FOXP1: variants seen among roughly 807,000 people sequenced by gnomAD.
FOXP1 encodes the protein forkhead box P1.
FOXP1 carries 15 observed loss-of-function variants against 98.2 expected under a neutral mutation model. That is an observed-to-expected ratio of 0.15 (90% CI 0.10 to 0.24). The LOEUF is 0.24. Among genes scored for constraint, FOXP1 ranks in the 10% least tolerant of loss-of-function variants. FOXP1 has a pLI of 1.00. For missense variants in FOXP1, 633 were observed against 848.5 expected, an observed-to-expected ratio of 0.75 and a Z score of 3.15; for synonymous variants, 371 against 314.5, an observed-to-expected ratio of 1.18 and a Z score of -1.90.
chr3:71,463,568 G>A (rs1005302019), intron 3 of FOXP1, among the ~76,000 whole-genome samples: 2 of 152,116 alleles, frequency 1.3e-5, no homozygotes, highest in Non-Finnish European at 2.9e-5. Context: ...CTCTGGGCTG[G>A]GGTCTCTCCC....
In FOXP1 at chr3:71,157,230, C is replaced by T. The variant is rs564085490; in HGVS notation, c.180+40972G>A. On this transcript the variant is annotated intron_variant, in intron 6 of 20. Transcript: ENST00000649528. ...GTTTTTGGAGTGTTGGAACACAGAACGAAAAGAGACTGCTGAGAAGGTTCA... is the reference window on the plus strand; with the variant it reads ...GTTTTTGGAGTGTTGGAACACAGAATGAAAAGAGACTGCTGAGAAGGTTCA... Among the ~76,000 whole-genome samples, 16 of 151,934 alleles carry T rather than the reference C, an allele frequency of 1.1e-4. 1 individual carries two copies. In the South Asian group the frequency reaches 2.1e-3, roughly 20 times the overall value.
chr3:71,101,911 G>C (rs1228908198), intron 7 of FOXP1, among the ~76,000 whole-genome samples: 1 of 152,136 alleles, frequency 6.6e-6, no homozygotes, highest in Non-Finnish European at 1.5e-5. Flanking sequence ...AAAAGGACAA[G>C]GGCCGGCGCT....
chr3:70,979,720 C>CTT (rs1397908965), intron 14 of FOXP1, among the ~76,000 whole-genome samples: 3 of 147,484 alleles, frequency 2.0e-5, no homozygotes, highest in African/African-American at 7.5e-5. Flanking sequence ...AATCAAAGAA[C>CTT]TTATTAAAAG....
chr3:71,158,852 T>TGTAAGG (rs2060987739), intron 6 of FOXP1, among the ~76,000 whole-genome samples: 1 of 151,430 alleles, frequency 6.6e-6, no homozygotes, highest in African/African-American at 2.4e-5. Context: ...ATGCCTGTAA[T>TGTAAGG]CCCAGCACTT....
At chr3:71,407,496 T>C (rs2082432277) in intron 3 of FOXP1, among the ~76,000 whole-genome samples, 1 of 152,172 alleles carries the variant, frequency 6.6e-6, no homozygotes, top group Non-Finnish European at 1.5e-5. Flanking sequence ...CTCCTCAAAA[T>C]AGAAAAAGAT....
At chr3:71,255,883 TA>T (rs1047846484) in intron 5 of FOXP1, among the ~76,000 whole-genome samples, 2 of 152,176 alleles carry the variant, frequency 1.3e-5, no homozygotes, top group African/African-American at 2.4e-5. Context: ...AACATGAAAT[TA>T]AACAGCACCC....
intron 3 of FOXP1, among the ~76,000 whole-genome samples, chr3:71,467,025 A>G (rs912116442): frequency 6.6e-6 from 1 of 152,186 alleles, no homozygotes; most frequent in Non-Finnish European, 1.5e-5. Flanking sequence ...AAACAAAAAG[A>G]AAAAAATGCT....
At chr3:71,242,533 A>T (rs1341816147) in intron 5 of FOXP1, among the ~76,000 whole-genome samples, 1 of 152,228 alleles carries the variant, frequency 6.6e-6, no homozygotes, top group Non-Finnish European at 1.5e-5. Flanking sequence ...GTGAAACCAG[A>T]CACTAATAAT....
intron 2 of FOXP1, among the ~76,000 whole-genome samples, chr3:71,518,102 C>T (rs1002358762): frequency 6.6e-6 from 1 of 152,102 alleles, no homozygotes; most frequent in African/African-American, 2.4e-5. Flanking sequence ...CATAGAAAAT[C>T]TTGCTGGACA....
intron 6 of FOXP1, among the ~76,000 whole-genome samples, chr3:71,169,698 C>T (rs1420748224): frequency 2.0e-5 from 3 of 147,056 alleles, no homozygotes; most frequent in African/African-American, 7.6e-5. Context: ...AAAACAGGGT[C>T]TAAAATGAGC....
At chr3:71,098,358 A>C (rs1459362821) in intron 7 of FOXP1, among the ~76,000 whole-genome samples, 1 of 152,156 alleles carries the variant, frequency 6.6e-6, no homozygotes, top group Non-Finnish European at 1.5e-5. Context: ...TTATACCTTA[A>C]ATGGATTAGC....
chr3:71,180,109 T>C (rs1279015849), intron 6 of FOXP1, among the ~76,000 whole-genome samples: 1 of 152,106 alleles, frequency 6.6e-6, no homozygotes, highest in Non-Finnish European at 1.5e-5. Context: ...TTTTACAAGA[T>C]GCACCTACAG....
chr3:71,166,500 G>C (rs546953026), intron 6 of FOXP1, among the ~76,000 whole-genome samples: 33 of 152,234 alleles, frequency 2.2e-4, no homozygotes, highest in Admixed American at 5.9e-4. Flanking sequence ...TAAACAACTT[G>C]TTTACATGTG....
intron 12 of FOXP1, among the ~76,000 whole-genome samples, chr3:71,007,695 T>A (rs1370871990): frequency 1.3e-5 from 2 of 152,180 alleles, no homozygotes; most frequent in Non-Finnish European, 2.9e-5. Context: ...AACAAGATGT[T>A]ACCATGATAA....
At chr3:71,180,056 T>A (rs2062192337) in intron 6 of FOXP1, among the ~76,000 whole-genome samples, 1 of 152,132 alleles carries the variant, frequency 6.6e-6, no homozygotes, top group Non-Finnish European at 1.5e-5. Context: ...CAGCAACCAT[T>A]CTCTAATTAT....
intron 3 of FOXP1, among the ~76,000 whole-genome samples, chr3:71,370,546 AG>A (rs2079223067): frequency 2.0e-5 from 3 of 152,214 alleles, no homozygotes; most frequent in Non-Finnish European, 4.4e-5. Flanking sequence ...AAAGGGCACT[AG>A]AACAGAGTCA....
rs4555486 is a variant in FOXP1, at chr3:71,052,429, A to G, written c.510+108T>C. 10,704 of 783,496 alleles carry G rather than the reference A, an allele frequency of 0.014. 117 individuals carry two copies. The highest frequency in any genetic ancestry group is 0.015 in the Non-Finnish European group (6,538 of 432,966). The allele number at this position is 783,496 out of a possible 1,614,324, so 48.5% of individuals were successfully genotyped here. Reference sequence around the variant, plus strand: ...CTCAGTCTGAAAGCTGAGAACCGATAGAGTCAGCTCAGTTGTGCAATCATT... The same window carrying G: ...CTCAGTCTGAAAGCTGAGAACCGATGGAGTCAGCTCAGTTGTGCAATCATT... On this transcript the variant is annotated intron_variant, in intron 9 of 20. Coordinates refer to ENST00000649528, the MANE Select transcript of FOXP1 (RefSeq NM_001349338.3).
intron 3 of FOXP1, among the ~76,000 whole-genome samples, chr3:71,373,773 C>T (rs928139382): frequency 3.8e-4 from 58 of 152,250 alleles, no homozygotes; most frequent in African/African-American, 1.3e-3. Flanking sequence ...TTTCTGGACA[C>T]GCATCTTAGG....
intron 4 of FOXP1, among the ~76,000 whole-genome samples, chr3:71,345,437 CACACACAT>C (rs1347728728): frequency 4.3e-4 from 45 of 105,206 alleles, no homozygotes; most frequent in Admixed American, 1.0e-3. Flanking sequence ...CACACACACA[CACACACAT>C]ATATATACCA....
Sources: gnomAD v4.1 joint callset for allele counts (sites outside exome capture counted in the v4.1 genomes callset) on GRCh38, gnomAD v4.1.1 for gene constraint, MANE v1.5 for transcripts, NCBI Gene and HGNC (gene_info 2026-07-23, HGNC 2026-07-21) for gene names.